Variants in PARD3 observed in about 807,000 individuals in gnomAD.
The protein encoded by PARD3 is par-3 family cell polarity regulator.
A neutral mutation model predicts 155.4 loss-of-function variants in PARD3; 75 were observed. That is an observed-to-expected ratio of 0.48 (90% CI 0.40 to 0.58). The LOEUF (loss-of-function observed/expected upper bound fraction) is 0.58, where lower values mean the gene tolerates loss of function less well. Among genes scored for constraint, PARD3 ranks in the 20% least tolerant of loss-of-function variants. PARD3 has a pLI of 0.00. For synonymous variants in PARD3, 576 were observed against 610.5 expected, an observed-to-expected ratio of 0.94 and a Z score of 0.83; for missense variants, 1,642 against 1,721.7, an observed-to-expected ratio of 0.95 and a Z score of 0.82.
At chr10:34,809,809 G>GA (rs1345622377) in intron 1 of PARD3, among the ~76,000 whole-genome samples, 2 of 152,070 alleles carry the variant, frequency 1.3e-5, no homozygotes, top group Non-Finnish European at 2.9e-5. Context: ...AGGGAAGGCA[G>GA]AAAATGTTAA....
chr10:34,223,868 C>A (rs528857552), intron 22 of PARD3, among the ~76,000 whole-genome samples: 35 of 152,330 alleles, frequency 2.3e-4, no homozygotes, highest in Middle Eastern at 3.4e-3. Context: ...CCATGTCACA[C>A]ACTCAAGGAC....
intron 22 of PARD3, among the ~76,000 whole-genome samples, chr10:34,152,676 A>G (rs1025800697): frequency 2.0e-5 from 3 of 152,176 alleles, no homozygotes; most frequent in Non-Finnish European, 4.4e-5. Flanking sequence ...GTTTTTTTCA[A>G]AAGGATTATT....
intron 5 of PARD3, among the ~76,000 whole-genome samples, chr10:34,413,024 T>C (rs1845248846): frequency 6.6e-6 from 1 of 151,998 alleles, no homozygotes; most frequent in African/African-American, 2.4e-5. Flanking sequence ...AATGTTAAGA[T>C]AAAACAGGAT....
At chr10:34,373,380 T>C (rs1840892270) in intron 11 of PARD3, among the ~76,000 whole-genome samples, 2 of 151,852 alleles carry the variant, frequency 1.3e-5, no homozygotes, top group African/African-American at 4.8e-5. Context: ...CTGAATAACC[T>C]TAAGCTGGCT....
intron 13 of PARD3, 52 bp from the exon 14 acceptor site, chr10:34,359,369 G>A (rs765782624): frequency 4.5e-5 from 56 of 1,244,346 alleles, no homozygotes; most frequent in Middle Eastern, 3.9e-4. Context: ...TGCTATAAAA[G>A]AAGTAGCTTT....
chr10:34,456,046 A>G (rs2077320879), intron 4 of PARD3, among the ~76,000 whole-genome samples: 1 of 152,208 alleles, frequency 6.6e-6, no homozygotes. Flanking sequence ...GAAAAGACAA[A>G]TGAAAGAGTA....
At chr10:34,640,475 G>A (rs1220907990) in intron 2 of PARD3, among the ~76,000 whole-genome samples, 1 of 151,706 alleles carries the variant, frequency 6.6e-6, no homozygotes, top group Non-Finnish European at 1.5e-5. Context: ...AAATTAGCTG[G>A]GCGTGGTGGC....
At chr10:34,376,784 T>C (rs530161475) in intron 10 of PARD3, among the ~76,000 whole-genome samples, 1 of 122,888 alleles carries the variant, frequency 8.1e-6, no homozygotes, top group Non-Finnish European at 1.6e-5. Context: ...AGAAACCATA[T>C]ATGAAACTAT....
intron 20 of PARD3, among the ~76,000 whole-genome samples, chr10:34,313,760 G>A (rs1957831275): frequency 6.6e-6 from 1 of 152,124 alleles, no homozygotes; most frequent in Non-Finnish European, 1.5e-5. Flanking sequence ...GGAGTTGCAG[G>A]GAGGCAACAG....
intron 22 of PARD3, among the ~76,000 whole-genome samples, chr10:34,175,641 TCAGA>T: frequency 6.6e-6 from 1 of 152,280 alleles, no homozygotes; most frequent in African/African-American, 2.4e-5. Context: ...CATTCAAGTA[TCAGA>T]CAATTTATAA....
At chr10:34,643,227 C>G (rs1003121239) in intron 2 of PARD3, among the ~76,000 whole-genome samples, 2 of 152,228 alleles carry the variant, frequency 1.3e-5, no homozygotes, top group African/African-American at 4.8e-5. Context: ...CACCTGGAGC[C>G]CCCTCGTCTT....
chr10:34,717,041 G>T (rs4622206), intron 1 of PARD3, among the ~76,000 whole-genome samples: 42,071 of 151,782 alleles, frequency 0.28, 7,134 homozygotes, highest in Non-Finnish European at 0.38. Flanking sequence ...TTCCAGTGTG[G>T]CCCGGGGATA....
At chr10:34,163,600 A>G (rs968690175) in intron 22 of PARD3, among the ~76,000 whole-genome samples, 2 of 152,182 alleles carry the variant, frequency 1.3e-5, no homozygotes, top group African/African-American at 4.8e-5. Flanking sequence ...AGGCCCTAAT[A>G]ATAAATATTT....
At chr10:34,359,396 T>C (rs986305951) in intron 13 of PARD3, 79 bp from the exon 14 acceptor site, 2 of 978,144 alleles carry the variant, frequency 2.0e-6, no homozygotes, top group Non-Finnish European at 2.8e-6. Flanking sequence ...AGTTAATAAA[T>C]AAAATAAAAA....
chr10:34,777,865 G>C (rs1182559810), intron 1 of PARD3, among the ~76,000 whole-genome samples: 1 of 152,076 alleles, frequency 6.6e-6, no homozygotes, highest in Non-Finnish European at 1.5e-5. Context: ...GATTCCCTGA[G>C]GAATGATGGT....
intron 3 of PARD3, among the ~76,000 whole-genome samples, chr10:34,485,270 A>G (rs563526592): frequency 1.3e-5 from 2 of 152,146 alleles, no homozygotes; most frequent in African/African-American, 4.8e-5. Context: ...CCTGGGAGGC[A>G]GAGGCGGCAG....
intron 1 of PARD3, among the ~76,000 whole-genome samples, chr10:34,764,982 G>T (rs1564595600): frequency 6.6e-6 from 1 of 152,090 alleles, no homozygotes; most frequent in Non-Finnish European, 1.5e-5. Context: ...TTAGGATTAG[G>T]TCTCATCCTT....
At chr10:34,328,580 G>A (rs74134104) in intron 19 of PARD3, among the ~76,000 whole-genome samples, 3,220 of 152,230 alleles carry the variant, frequency 0.021, 133 homozygotes, top group African/African-American at 0.073. Context: ...GGTGACACTG[G>A]TGGCCTTTCC....
At chr10:34,546,220 A>T (rs1182097749) in intron 2 of PARD3, among the ~76,000 whole-genome samples, 4 of 152,106 alleles carry the variant, frequency 2.6e-5, no homozygotes, top group Non-Finnish European at 1.5e-5. Context: ...TAACAGTTAA[A>T]ATGTGGCAAA....
Sources: allele counts gnomAD v4.1 joint callset (sites outside exome capture counted in the v4.1 genomes callset), GRCh38; gene constraint gnomAD v4.1.1; transcripts MANE v1.5; gene names NCBI Gene and HGNC (gene_info 2026-07-23, HGNC 2026-07-21).